Variants in HVCN1 observed in about 807,000 individuals in gnomAD.
The protein encoded by HVCN1 is hydrogen voltage gated channel 1, also known as voltage-gated hydrogen channel 1.
In HVCN1, 14 loss-of-function variants were observed where a neutral mutation model predicts 29.2. The observed-to-expected ratio is 0.48, with a 90% CI of 0.32 to 0.75. The LOEUF (loss-of-function observed/expected upper bound fraction) is 0.75. Ranked by LOEUF, HVCN1 falls within the 30% of genes least tolerant of loss-of-function variation. The probability of loss-of-function intolerance (pLI) is 0.04; values close to 1 mark genes in which losing one functional copy is unlikely to be tolerated. For synonymous variants in HVCN1, 131 were observed against 133.2 expected (o/e 0.98, Z 0.11); for missense variants, 263 against 341.8 (o/e 0.77, Z 1.82).
chr12:110,678,701 C>T (rs1175796098), intron 3 of HVCN1, among the ~76,000 whole-genome samples: 5 of 152,162 alleles, frequency 3.3e-5, no homozygotes, highest in Non-Finnish European at 5.9e-5. Context: ...ATCCGCCTGC[C>T]TTGGCCTCCC....
chr12:110,655,329 T>A lies in HVCN1; in HGVS notation c.316A>T (p.Ile106Phe). The A allele has an allele frequency of 6.2e-7, 1 of 1,613,228 alleles. No individual in the cohort carries two copies. Residue 106 changes from isoleucine (I) to phenylalanine (F), a missense_variant, in exon 5 of 8, where the codon ATC becomes TTC. This residue lies in a region of HVCN1 where 157 missense variants were observed against 181.3 expected (regional missense o/e 0.87). Coordinates refer to ENST00000242607, the MANE Select transcript of HVCN1 (RefSeq NM_032369.4). ...AGGGCATCCAGAACCACCAAGCAGA[T>A]GATGATGACCTGTGGGCCGAGGGAA... Reference protein sequence around the residue: ...FSSHRFQVIIICLVVLDALLV... With the variant: ...FSSHRFQVIIFCLVVLDALLV...
rs780682737 is a variant in HVCN1 at position 110,655,379 on chromosome 12, A to C, written c.307-41T>G. 11 of 1,438,202 alleles carry C rather than the reference A, an allele frequency of 7.6e-6. No homozygotes were observed. The East Asian group carries it at 2.3e-4, about 30-fold the overall frequency. 89.1% of individuals were successfully genotyped at this position (1,438,202 alleles called of 1,614,324 possible). A position where few individuals can be genotyped will look rare whatever the true frequency, so the allele number is the denominator to read the frequency against. ...AGGTGCCAGAGATCATGAGACCCCC[A>C]CAGAGGCCCTCCCTCTCCCATCATT... On this transcript the variant is annotated intron_variant, in intron 4 of 7. Coordinates refer to ENST00000242607, the MANE Select transcript of HVCN1 (RefSeq NM_032369.4).
Position 110,649,491 on chromosome 12 carries a change from A to G in HVCN1, c.757-16T>C. Reference sequence around the variant, plus strand: ...TTTCTTGTTCCTATTGCAAAAGCAGACAAACACTGGAATTTACTTTGAGCC... The same window carrying G: ...TTTCTTGTTCCTATTGCAAAAGCAGGCAAACACTGGAATTTACTTTGAGCC... On this transcript the variant is annotated splice_polypyrimidine_tract_variant and intron_variant, in intron 7 of 7. Coordinates refer to ENST00000242607, the MANE Select transcript of HVCN1 (RefSeq NM_032369.4). The G allele has an allele frequency of 6.3e-7, 1 of 1,587,614 alleles. No individual in the cohort carries two copies. Among genetic ancestry groups the G allele is most frequent in the Non-Finnish European group, 8.6e-7 (1 of 1,160,976 alleles).
At position 110,701,844 on chromosome 12, in the gene HVCN1, G is replaced by A. The variant is rs570706674; in HGVS notation, c.-104+465C>T. Among the ~76,000 whole-genome samples the A allele has an allele frequency of 5.9e-5, 9 of 151,286 alleles. No individual in the cohort carries two copies. The South Asian group carries it at 1.9e-3, about 32-fold the overall frequency. On this transcript the variant is annotated intron_variant, in intron 2 of 4. Transcript: ENST00000546713. ...TGCACTCCAGCCTGGGCGACAGAATGAGACTCTGTCTCAAAAACAAAACAA... is the reference window on the plus strand; with the variant it reads ...TGCACTCCAGCCTGGGCGACAGAATAAGACTCTGTCTCAAAAACAAAACAA...
intron 3 of HVCN1, among the ~76,000 whole-genome samples, chr12:110,672,088 T>G: frequency 6.6e-6 from 1 of 152,190 alleles, no homozygotes; most frequent in East Asian, 1.9e-4. Context: ...TGTGCCAGGC[T>G]TGGGGACAAA....
At chr12:110,649,623 T>C in intron 7 of HVCN1, 148 bp from the exon 8 acceptor site, 1 of 667,640 alleles carries the variant, frequency 1.5e-6, no homozygotes. Flanking sequence ...AGGAGACTGC[T>C]ACAATCAGAT....
At chr12:110,655,488 C>T (rs2067958902) in intron 4 of HVCN1, 150 bp from the exon 5 acceptor site, 1 of 617,116 alleles carries the variant, frequency 1.6e-6, no homozygotes, top group Admixed American at 2.5e-5. Flanking sequence ...TCGCCAGAGG[C>T]CCCACCAGGA....
chr12:110,677,204 G>A (rs1403271167), intron 3 of HVCN1, among the ~76,000 whole-genome samples: 1 of 150,574 alleles, frequency 6.6e-6, no homozygotes, highest in African/African-American at 2.4e-5. Flanking sequence ...GACCTTGTCT[G>A]TTAAAAAAAA....
rs2136441238 is a variant in HVCN1, at chr12:110,683,112, T to C, written c.21+113A>G. The stretch of plus-strand genomic sequence containing the variant: ...CATTTTGATTTTAAATATTTCAGTA[T>C]AGTGGAAACACCTGAACAGGGAGTT... On this transcript the variant is annotated intron_variant, in intron 3 of 7. Coordinates refer to ENST00000242607, the MANE Select transcript of HVCN1 (RefSeq NM_032369.4). 25 of 1,349,412 alleles carry C rather than the reference T, an allele frequency of 1.9e-5. 1 individual carries two copies. The highest frequency in any genetic ancestry group is 3.6e-4 in the Middle Eastern group (2 of 5,530). The allele number at this position is 1,349,412 out of a possible 1,614,324, so 83.6% of individuals were successfully genotyped here. A position where few individuals can be genotyped will look rare whatever the true frequency, so the allele number is the denominator to read the frequency against.
At chr12:110,697,891 C>A (rs563280949) in intron 2 of HVCN1, among the ~76,000 whole-genome samples, 3 of 152,174 alleles carry the variant, frequency 2.0e-5, no homozygotes, top group Non-Finnish European at 4.4e-5. Flanking sequence ...ACCTCGTGAT[C>A]TGCCCACCTC....
chr12:110,696,033 A>C (rs1593553154), intron 2 of HVCN1, among the ~76,000 whole-genome samples: 4 of 151,100 alleles, frequency 2.6e-5, no homozygotes, highest in Admixed American at 6.6e-5. Flanking sequence ...GCTCACTGCA[A>C]CCTCTGCCTC....
chr12:110,698,190 G>A (rs1472681718), intron 2 of HVCN1, among the ~76,000 whole-genome samples: 3 of 152,052 alleles, frequency 2.0e-5, no homozygotes, highest in Non-Finnish European at 2.9e-5. Flanking sequence ...TGTTGAGTCA[G>A]GGTCTCACTA....
At chr12:110,651,004 C>T (rs1054738553) in intron 6 of HVCN1, among the ~76,000 whole-genome samples, 1 of 152,064 alleles carries the variant, frequency 6.6e-6, no homozygotes, top group Admixed American at 6.5e-5. Context: ...CAACCTGTTT[C>T]ATTTTATTTG....
intron 3 of HVCN1, among the ~76,000 whole-genome samples, chr12:110,670,284 T>C (rs2068530629): frequency 6.6e-6 from 1 of 152,084 alleles, no homozygotes; most frequent in African/African-American, 2.4e-5. Flanking sequence ...TATCTGACAA[T>C]CGGAGAAAAA....
chr12:110,657,079 T>C (rs1024820507), intron 4 of HVCN1, among the ~76,000 whole-genome samples: 3 of 152,182 alleles, frequency 2.0e-5, no homozygotes, highest in Non-Finnish European at 4.4e-5. Flanking sequence ...CATTATATGA[T>C]CCCATCTAAT....
At chr12:110,651,580 A>G in intron 5 of HVCN1, 132 bp from the exon 6 acceptor site, 1 of 666,368 alleles carries the variant, frequency 1.5e-6, no homozygotes, top group Non-Finnish European at 2.7e-6. Context: ...AGTGCTGGAA[A>G]CACAGCTGTG....
chr12:110,669,204 C>T (rs1030964341), intron 3 of HVCN1, among the ~76,000 whole-genome samples: 2 of 152,136 alleles, frequency 1.3e-5, no homozygotes, highest in African/African-American at 4.8e-5. Context: ...AGGCCAAGAA[C>T]AGAAAATCGT....
chr12:110,672,615 T>C (rs2068620367), intron 3 of HVCN1, among the ~76,000 whole-genome samples: 1 of 152,156 alleles, frequency 6.6e-6, no homozygotes, highest in Non-Finnish European at 1.5e-5. Context: ...ACCAAACCTA[T>C]TAGATATGAT....
At chr12:110,653,508 A>G (rs1296864633) in intron 5 of HVCN1, among the ~76,000 whole-genome samples, 1 of 151,762 alleles carries the variant, frequency 6.6e-6, no homozygotes, top group East Asian at 1.9e-4. Flanking sequence ...CAAATAGAAT[A>G]TTGGAATTCT....
Sources: gnomAD v4.1 joint callset for allele counts (sites outside exome capture counted in the v4.1 genomes callset) on GRCh38, gnomAD v4.1.1 for gene constraint, gnomAD v4.1.1 regional missense constraint, MANE v1.5 for transcripts, NCBI Gene and HGNC (gene_info 2026-07-23, HGNC 2026-07-21) for gene names.